Variants in CEP250 observed in about 807,000 individuals in gnomAD.
CEP250 encodes centrosomal protein 250, also known as centrosome-associated protein CEP250.
Under a neutral mutation model 315.7 loss-of-function variants are expected in CEP250, and 242 were observed. That is an observed-to-expected ratio of 0.77 (90% CI 0.69 to 0.85). CEP250 has a LOEUF of 0.85. CEP250 is among the 40% of genes least tolerant of loss of function. CEP250 has a pLI of 0.00. For missense variants in CEP250, 2,515 were observed against 2,886.4 expected, an observed-to-expected ratio of 0.87 and a Z score of 2.95; for synonymous variants, 1,088 against 1,175.0, an observed-to-expected ratio of 0.93 and a Z score of 1.51.
At chr20:35,472,862 C>T in intron 12 of CEP250, 31 bp downstream of exon 12, 1 of 1,612,532 alleles carries the variant, frequency 6.2e-7, no homozygotes, top group Non-Finnish European at 8.5e-7. Context: ...ACCTCAGTCA[C>T]AGGGGTTTGT....
At position 35,512,338 on chromosome 20, in the gene CEP250, C is replaced by G. The variant is rs979410657; in HGVS notation, c.*712C>G. ...AGTGAGAAGACTGGTCTGACTGTGGCAGGGGGTTGGGGCTGAGCTTGGGTG... is the reference window on the plus strand; with the variant it reads ...AGTGAGAAGACTGGTCTGACTGTGGGAGGGGGTTGGGGCTGAGCTTGGGTG... On this transcript the variant is annotated 3_prime_UTR_variant, in exon 35 of 35. Coordinates refer to ENST00000397527, the MANE Select transcript of CEP250 (RefSeq NM_007186.6). 2.0e-5 allele frequency: 3 copies of G among 152,266 alleles called. No individual in the cohort carries two copies. Among genetic ancestry groups the G allele is most frequent in the African/African-American group, 7.2e-5 (3 of 41,382 alleles). 9.4% of individuals were successfully genotyped at this position (152,266 alleles called of 1,614,324 possible). A position where few individuals can be genotyped will look rare whatever the true frequency, so the allele number is the denominator to read the frequency against.
At chr20:35,461,651 G>T (rs982349447) in intron 3 of CEP250, among the ~76,000 whole-genome samples, 1 of 152,168 alleles carries the variant, frequency 6.6e-6, no homozygotes, top group African/African-American at 2.4e-5. Context: ...TGTGTGGCCT[G>T]GCACAAGTTT....
In CEP250 at chr20:35,513,037, C is replaced by G. The variant is rs1394436045; in HGVS notation, c.*1411C>G. 6.6e-6 allele frequency: 1 copy of G among 152,296 alleles called. No individual in the cohort carries two copies. The highest frequency in any genetic ancestry group is 1.5e-5 in the Non-Finnish European group (1 of 68,100). The allele number at this position is 152,296 out of a possible 1,614,324, so 9.4% of individuals were successfully genotyped here. ...AATTTGGGGCTCAGCCCCATTATGTCTCATTGCACCACACAGAGTGGAAAT... is the reference window on the plus strand; with the variant it reads ...AATTTGGGGCTCAGCCCCATTATGTGTCATTGCACCACACAGAGTGGAAAT... On this transcript the variant is annotated 3_prime_UTR_variant, in exon 35 of 35. Coordinates refer to ENST00000397527, the MANE Select transcript of CEP250 (RefSeq NM_007186.6).
chr20:35,461,924 A>G (rs1948262836), intron 3 of CEP250, among the ~76,000 whole-genome samples: 1 of 152,160 alleles, frequency 6.6e-6, no homozygotes, highest in Non-Finnish European at 1.5e-5. Flanking sequence ...ATTATTTCAC[A>G]TGCTACATTG....
intron 9 of CEP250, among the ~76,000 whole-genome samples, chr20:35,469,616 T>C (rs1261015496): frequency 1.3e-5 from 2 of 152,234 alleles, no homozygotes; most frequent in African/African-American, 4.8e-5. Context: ...GGGCCAGGGC[T>C]TTCCTTCAGC....
intron 5 of CEP250, among the ~76,000 whole-genome samples, chr20:35,465,284 G>A (rs1459313351): frequency 6.6e-6 from 1 of 152,074 alleles, no homozygotes; most frequent in Non-Finnish European, 1.5e-5. Context: ...TCCAGGTGTG[G>A]TGGCAGGTGC....
At position 35,504,302 on chromosome 20, in the gene CEP250, A is replaced by G. The variant is rs1458125124; in HGVS notation, c.5933A>G (p.Gln1978Arg). 1 of 1,588,126 alleles carries G rather than the reference A, an allele frequency of 6.3e-7. No individual in the cohort carries two copies. Among genetic ancestry groups the G allele is most frequent in the Non-Finnish European group, 8.6e-7 (1 of 1,167,620 alleles). ...CTTGGCAAGGCTCATGCTGCCCTGC[A>G]GGGGAAAGAGCAGCATCTCCTCGAG... Reference protein sequence around the residue: ...EALGKAHAALQGKEQHLLEQA... With the variant: ...EALGKAHAALRGKEQHLLEQA... The change falls in exon 30 of 35, where the codon CAG becomes CGG. Residue 1978 changes from glutamine to arginine, a missense_variant. By Grantham distance (43) the Gln-to-Arg change is conservative (BLOSUM62 1). Coordinates refer to ENST00000397527, the MANE Select transcript of CEP250 (RefSeq NM_007186.6).
chr20:35,479,289 A>G lies in CEP250; in HGVS notation c.2153A>G (p.Lys718Arg), dbSNP rs1338231928. 6.2e-7 allele frequency: 1 copy of G among 1,614,190 alleles called. No individual in the cohort carries two copies. The highest frequency in any genetic ancestry group is 1.6e-4 in the Middle Eastern group (1 of 6,062). The change falls in exon 18 of 35, where the codon AAG becomes AGG. Residue 718 changes from lysine (K) to arginine (R), a missense_variant. Lys to Arg is a conservative substitution (Grantham distance 26, BLOSUM62 2). Transcript: ENST00000397527. ...TQLEQLHQEA[K>R]RQEEVLARAV... is the part of the protein sequence containing the mutation. Reference sequence around the variant, plus strand: ...CTGGAGCAGCTACATCAGGAGGCAAAGCGACAGGAAGAAGTGCTTGCCAGG... The same window carrying G: ...CTGGAGCAGCTACATCAGGAGGCAAGGCGACAGGAAGAAGTGCTTGCCAGG...
At position 35,497,865 on chromosome 20, in the gene CEP250, A is replaced by G. The variant is rs527333329; in HGVS notation, c.3453A>G (p.Gln1151=). 30 of 1,594,886 alleles carry G rather than the reference A, an allele frequency of 1.9e-5. No homozygotes were observed. In the Admixed American group the frequency reaches 2.0e-4, roughly 10 times the overall value. Residue 1151 remains glutamine, a synonymous_variant, in exon 26 of 35, where the codon CAA becomes CAG. Transcript: ENST00000397527. Reference sequence around the variant, plus strand: ...GGGCCCAGGAAGCCAAGGCAGCCCAACTACAGCTGCGACTGCGCAGCACAG... The same window carrying G: ...GGGCCCAGGAAGCCAAGGCAGCCCAGCTACAGCTGCGACTGCGCAGCACAG... ...SLWAQEAKAA[Q]LQLRLRSTES... is the part of the protein sequence containing the mutation.
At chr20:35,486,241 C>T (rs1478993068) in intron 20 of CEP250, among the ~76,000 whole-genome samples, 1 of 151,850 alleles carries the variant, frequency 6.6e-6, no homozygotes, top group Non-Finnish European at 1.5e-5. Flanking sequence ...TCTCGAACTC[C>T]TGACCTCAAG....
chr20:35,498,424 A>G (rs1277840083), intron 26 of CEP250, among the ~76,000 whole-genome samples, 171 bp from the exon 27 acceptor site: 4 of 152,236 alleles, frequency 2.6e-5, no homozygotes, highest in Non-Finnish European at 4.4e-5. Flanking sequence ...AGCACCCACC[A>G]TAGTGCCTGG....
chr20:35,458,966 CTTTTTTTTTT>C (rs778598883), intron 2 of CEP250, among the ~76,000 whole-genome samples: 2 of 59,228 alleles, frequency 3.4e-5, no homozygotes, highest in African/African-American at 7.5e-5. Context: ...TAATGCAAAT[CTTTTTTTTTT>C]TTTTTTTTTT....
At position 35,504,842 on chromosome 20, in the gene CEP250, C is replaced by T; in HGVS notation, c.6473C>T (p.Ala2158Val). 6.2e-7 allele frequency: 1 copy of T among 1,614,216 alleles called. No homozygotes were observed. The change falls in exon 30 of 35, where the codon GCC becomes GTC. Residue 2158 changes from alanine (A) to valine (V), a missense_variant. By Grantham distance (64) the Ala-to-Val change is moderately conservative. Transcript: ENST00000397527. Reference sequence around the variant, plus strand: ...CGGGAGCTGGAGCGGCTACAGGCAGCCCTGAGACAGACAGAAGCCAGGGAG... The same window carrying T: ...CGGGAGCTGGAGCGGCTACAGGCAGTCCTGAGACAGACAGAAGCCAGGGAG... ...LQRELERLQA[A>V]LRQTEAREIE...
In CEP250 at chr20:35,479,994, A is replaced by C; in HGVS notation, c.2435A>C (p.Lys812Thr). 1 of 1,613,812 alleles carries C rather than the reference A, an allele frequency of 6.2e-7. No homozygotes were observed. Among genetic ancestry groups the C allele is most frequent in the Non-Finnish European group, 8.5e-7 (1 of 1,179,978 alleles). Residue 812 changes from lysine (K) to threonine (T), a missense_variant, in exon 20 of 35, where the codon AAG becomes ACG. Transcript: ENST00000397527. ...ATGTTAGGGGAAGTGAGGTGCCTGA[A>C]GCTGGAACTGGACACTGAACGGAGT... ...EVIQGEVRCL[K>T]LELDTERSQA...
chr20:35,467,243 G>T, intron 8 of CEP250, 61 bp from the exon 9 acceptor site: 1 of 1,571,434 alleles, frequency 6.4e-7, no homozygotes. Flanking sequence ...CACTGGGCCT[G>T]ATCACCACAC....
At chr20:35,476,732 T>C in intron 16 of CEP250, 137 bp downstream of exon 16, 1 of 727,990 alleles carries the variant, frequency 1.4e-6, no homozygotes, top group South Asian at 2.0e-5. Flanking sequence ...CTGTAAGGAT[T>C]GGGCTTAGCC....
rs930451691 is a variant in CEP250 at position 35,509,061 on chromosome 20, C to T, written c.7008+17C>T. 6.5e-6 allele frequency: 10 copies of T among 1,547,982 alleles called. No homozygotes were observed. The highest frequency in any genetic ancestry group is 1.7e-4 in the Middle Eastern group (1 of 6,008). On this transcript the variant is annotated intron_variant, in intron 33 of 34. Transcript: ENST00000397527. The stretch of plus-strand genomic sequence containing the variant: ...ACACAGCAGGTTTACTCATTTTCCT[C>T]AGCTGCAGCCTTAGAGAGCCCAACC...
At chr20:35,498,457 G>C (rs2063907962) in intron 26 of CEP250, 138 bp from the exon 27 acceptor site, 1 of 1,043,896 alleles carries the variant, frequency 9.6e-7, no homozygotes, top group African/African-American at 1.6e-5. Flanking sequence ...GAGAAAATAT[G>C]TGATGAGTGA....
At chr20:35,510,203 A>T (rs2064314742) in intron 34 of CEP250, 149 bp downstream of exon 34, 1 of 705,690 alleles carries the variant, frequency 1.4e-6, no homozygotes, top group African/African-American at 1.8e-5. Flanking sequence ...CCCATCTCTC[A>T]TATGCCTAGG....
Sources: allele counts gnomAD v4.1 joint callset (sites outside exome capture counted in the v4.1 genomes callset), GRCh38; gene constraint gnomAD v4.1.1; transcripts MANE v1.5; gene names NCBI Gene and HGNC (gene_info 2026-07-23, HGNC 2026-07-21).